Variants in RIN3 observed in about 807,000 individuals in gnomAD.
RIN3 encodes the protein Ras and Rab interactor 3.
Under a neutral mutation model 76.3 loss-of-function variants are expected in RIN3, and 54 were observed. The observed-to-expected ratio is 0.71, with a 90% CI of 0.57 to 0.89. RIN3 has a LOEUF of 0.89. RIN3 is among the 40% of genes least tolerant of loss of function. The probability of loss-of-function intolerance (pLI) is 0.00; values close to 1 mark genes in which losing one functional copy is unlikely to be tolerated. For missense variants in RIN3, 1,256 were observed against 1,322.1 expected (o/e 0.95, Z 0.78); for synonymous variants, 576 against 564.0 (o/e 1.02, Z -0.30).
chr14:92,637,444 A>G (rs1345188534), intron 4 of RIN3, among the ~76,000 whole-genome samples: 1 of 151,996 alleles, frequency 6.6e-6, no homozygotes, highest in Middle Eastern at 3.2e-3. Context: ...AGCTTTGCTC[A>G]CTCGCCCGCT....
Position 92,568,751 on chromosome 14 carries a change from G to A in RIN3, c.250-8609G>A, listed in dbSNP as rs771237694. On this transcript the variant is annotated intron_variant, in intron 2 of 9. Transcript: ENST00000216487. The surrounding 1 kb of genome is among the most constrained non-coding windows in gnomAD (Gnocchi z 4.2). ...CCAGCCTCCTCTGCCCCAGGCCAGC[G>A]CCTTATCATGGTTTTTAGTCAGAAG... 5.3e-5 allele frequency among the ~76,000 whole-genome samples: 8 copies of A among 152,318 alleles called. No individual in the cohort carries two copies. Among genetic ancestry groups the A allele is most frequent in the African/African-American group, 9.6e-5 (4 of 41,564 alleles).
At chr14:92,645,675 G>C (rs948277845) in intron 5 of RIN3, among the ~76,000 whole-genome samples, 2 of 152,222 alleles carry the variant, frequency 1.3e-5, no homozygotes, top group Non-Finnish European at 2.9e-5. Flanking sequence ...TGCCCTAAAG[G>C]CCGGGCGCAG....
chr14:92,549,313 G>A (rs1897361278), intron 1 of RIN3, among the ~76,000 whole-genome samples: 1 of 152,142 alleles, frequency 6.6e-6, no homozygotes, highest in African/African-American at 2.4e-5. Flanking sequence ...GTCTATACAG[G>A]AAGGCCTCGG....
intron 1 of RIN3, among the ~76,000 whole-genome samples, chr14:92,546,029 G>T (rs1365202182): frequency 2.0e-5 from 3 of 151,776 alleles, no homozygotes; most frequent in African/African-American, 7.3e-5. Context: ...GGGTTTAAGC[G>T]ATTCTCCTGC....
chr14:92,587,165 C>T (rs1884807343), intron 3 of RIN3, among the ~76,000 whole-genome samples: 1 of 152,122 alleles, frequency 6.6e-6, no homozygotes, highest in African/African-American at 2.4e-5. Context: ...AGGAAGTAGC[C>T]CTATGAGATT....
In RIN3 at chr14:92,514,713, G is replaced by A. The variant is rs1454137124; in HGVS notation, c.44+737G>A. Among the ~76,000 whole-genome samples the A allele has an allele frequency of 6.6e-6, 1 of 152,198 alleles. No individual in the cohort carries two copies. Among genetic ancestry groups the A allele is most frequent in the Non-Finnish European group, 1.5e-5 (1 of 68,036 alleles). Reference sequence around the variant, plus strand: ...TAAGTCCCCGCTCCGCCTCCTTGTCGCCCCCAGCCCCACCTCGCGAGCTCG... The same window carrying A: ...TAAGTCCCCGCTCCGCCTCCTTGTCACCCCCAGCCCCACCTCGCGAGCTCG... On this transcript the variant is annotated intron_variant, in intron 1 of 9. Coordinates refer to ENST00000216487, the MANE Select transcript of RIN3 (RefSeq NM_024832.5). The surrounding 1 kb of genome is among the most constrained non-coding windows in gnomAD (Gnocchi z 7.2).
intron 4 of RIN3, among the ~76,000 whole-genome samples, chr14:92,626,945 A>G (rs1253637222): frequency 6.6e-6 from 1 of 152,206 alleles, no homozygotes; most frequent in African/African-American, 2.4e-5. Flanking sequence ...AAAAGTTAAC[A>G]GACCCAATCC....
chr14:92,610,263 C>T (rs1023830181), intron 3 of RIN3, among the ~76,000 whole-genome samples: 1 of 152,006 alleles, frequency 6.6e-6, no homozygotes, highest in Non-Finnish European at 1.5e-5. Context: ...TATAGTTTAC[C>T]ATTATAAAAA....
At chr14:92,524,751 G>T (rs575872510) in intron 1 of RIN3, among the ~76,000 whole-genome samples, 1 of 152,318 alleles carries the variant, frequency 6.6e-6, no homozygotes, top group East Asian at 1.9e-4. Context: ...AGATGAATTG[G>T]TGGCTCAGAG....
At chr14:92,618,141 G>C (rs773566318) in intron 4 of RIN3, among the ~76,000 whole-genome samples, 5 of 152,130 alleles carry the variant, frequency 3.3e-5, no homozygotes, top group Non-Finnish European at 7.3e-5. Flanking sequence ...ATCCATCAAA[G>C]TATAAGGTTC....
chr14:92,626,620 C>G (rs916111378), intron 4 of RIN3, among the ~76,000 whole-genome samples: 1 of 152,150 alleles, frequency 6.6e-6, no homozygotes, highest in Non-Finnish European at 1.5e-5. Flanking sequence ...TGACAAGGAA[C>G]AGACTCATGG....
chr14:92,608,162 G>C (rs1885596650), intron 3 of RIN3, among the ~76,000 whole-genome samples: 1 of 152,190 alleles, frequency 6.6e-6, no homozygotes. Context: ...ACACAAATGA[G>C]TGCATATAAA....
chr14:92,519,725 C>T (rs941997401), intron 1 of RIN3, among the ~76,000 whole-genome samples: 4 of 152,294 alleles, frequency 2.6e-5, no homozygotes, highest in Admixed American at 6.5e-5. Context: ...CAGGTGGGGG[C>T]GGCAGTGACG....
intron 8 of RIN3, among the ~76,000 whole-genome samples, chr14:92,682,083 C>T (rs529879072): frequency 2.6e-5 from 4 of 152,200 alleles, no homozygotes; most frequent in South Asian, 4.2e-4. Context: ...GACAGGATTT[C>T]GTCATGTTGG....
At position 92,653,076 on chromosome 14, in the gene RIN3, G is replaced by C. The variant is rs769968209; in HGVS notation, c.2026+1G>C. 3.8e-6 allele frequency: 6 copies of C among 1,598,366 alleles called. No homozygotes were observed. The highest frequency in any genetic ancestry group is 5.1e-6 in the Non-Finnish European group (6 of 1,177,338). On this transcript the variant is annotated splice_donor_variant, in intron 6 of 9. Coordinates refer to ENST00000216487, the MANE Select transcript of RIN3 (RefSeq NM_024832.5). LOFTEE classifies it high-confidence loss of function. The stretch of plus-strand genomic sequence containing the variant: ...GCCCTGCACTCCGAGGAGGAGCTCG[G>C]TCAGTGCCCTGGGAGGAGGTGGCAG...
At chr14:92,634,783 A>G (rs1044383420) in intron 4 of RIN3, among the ~76,000 whole-genome samples, 22 of 149,654 alleles carry the variant, frequency 1.5e-4, no homozygotes, top group African/African-American at 3.7e-4. Context: ...GCTTGAACCC[A>G]GGAGGCAGAG....
intron 2 of RIN3, among the ~76,000 whole-genome samples, chr14:92,570,776 T>C (rs1898043869): frequency 6.6e-6 from 1 of 152,040 alleles, no homozygotes; most frequent in Non-Finnish European, 1.5e-5. Context: ...AAGGCCAGCA[T>C]TGAAGGTGAA....
chr14:92,656,340 G>A lies in RIN3; in HGVS notation c.2027-2821G>A, dbSNP rs1887667512. Reference sequence around the variant, plus strand: ...AGTCAGCCTGAGGATTTAGCCCAGAGGTGATGGAGCCCCTGAAGGGTGTGT... The same window carrying A: ...AGTCAGCCTGAGGATTTAGCCCAGAAGTGATGGAGCCCCTGAAGGGTGTGT... On this transcript the variant is annotated intron_variant, in intron 6 of 9. Coordinates refer to ENST00000216487, the MANE Select transcript of RIN3 (RefSeq NM_024832.5). This position sits in a 1 kb window ranked among gnomAD's most constrained non-coding sequence, Gnocchi z 5.2. 6.6e-6 allele frequency among the ~76,000 whole-genome samples: 1 copy of A among 152,198 alleles called. No homozygotes were observed. The highest frequency in any genetic ancestry group is 6.5e-5 in the Admixed American group (1 of 15,286).
intron 7 of RIN3, among the ~76,000 whole-genome samples, chr14:92,675,841 G>A (rs796088655): frequency 3.3e-5 from 5 of 152,236 alleles, no homozygotes; most frequent in African/African-American, 1.2e-4. Flanking sequence ...TTTATAGAGC[G>A]CCCTCCATCT....
Sources: gnomAD v4.1 joint callset for allele counts (sites outside exome capture counted in the v4.1 genomes callset) on GRCh38, gnomAD v4.1.1 for gene constraint, Gnocchi (gnomAD v3.1) non-coding constraint, MANE v1.5 for transcripts, NCBI Gene and HGNC (gene_info 2026-07-23, HGNC 2026-07-21) for gene names.